The following FSHR variants were observed in gnomAD, a reference collection of about 807,000 sequenced individuals.
The protein encoded by FSHR is follicle-stimulating hormone receptor.
Under a neutral mutation model 52.1 loss-of-function variants are expected in FSHR, and 46 were observed. The observed-to-expected ratio is 0.88, with a 90% CI of 0.70 to 1.13. The LOEUF (loss-of-function observed/expected upper bound fraction) is 1.13, where lower values mean the gene tolerates loss of function less well. Among genes scored for constraint, FSHR ranks in the 50% most tolerant of loss-of-function variants. The pLI is 0.00. For synonymous variants in FSHR, 399 were observed against 309.6 expected (o/e 1.29, Z -3.03); for missense variants, 964 against 834.6 (o/e 1.16, Z -1.91).
At chr2:49,140,837 A>G (rs2103836243) in intron 1 of FSHR, among the ~76,000 whole-genome samples, 1 of 152,308 alleles carries the variant, frequency 6.6e-6, no homozygotes, top group South Asian at 2.1e-4. Context: ...ACTATCATCA[A>G]GGTTCATCTA....
At chr2:48,995,461 C>T (rs1304778508) in intron 4 of FSHR, among the ~76,000 whole-genome samples, 5 of 151,950 alleles carry the variant, frequency 3.3e-5, no homozygotes, top group African/African-American at 9.7e-5. Context: ...TGTGTATATC[C>T]GGACCACACG....
chr2:49,056,995 G>A (rs912717706), intron 2 of FSHR, among the ~76,000 whole-genome samples: 1 of 151,710 alleles, frequency 6.6e-6, no homozygotes, highest in African/African-American at 2.4e-5. Flanking sequence ...AAAACCTATG[G>A]GATGAGCAAA....
At chr2:49,058,593 A>C (rs2104319122) in intron 2 of FSHR, among the ~76,000 whole-genome samples, 2 of 152,234 alleles carry the variant, frequency 1.3e-5, no homozygotes, top group South Asian at 4.1e-4. Flanking sequence ...TGTTAAACAA[A>C]TTCAGTAAAG....
At chr2:49,110,699 T>C (rs1242767928) in intron 1 of FSHR, among the ~76,000 whole-genome samples, 2 of 152,120 alleles carry the variant, frequency 1.3e-5, no homozygotes, top group Non-Finnish European at 2.9e-5. Flanking sequence ...AATTTCCCAC[T>C]CTTGTCAGAC....
intron 2 of FSHR, among the ~76,000 whole-genome samples, chr2:49,040,732 A>G (rs908772902): frequency 6.6e-6 from 1 of 152,192 alleles, no homozygotes; most frequent in Admixed American, 6.5e-5. Flanking sequence ...TTGAAGATGA[A>G]TAATAGCAAA....
At chr2:48,970,675 C>T (rs1465544255) in intron 8 of FSHR, among the ~76,000 whole-genome samples, 1 of 152,156 alleles carries the variant, frequency 6.6e-6, no homozygotes, top group Non-Finnish European at 1.5e-5. Context: ...CATTCAGATC[C>T]TACTCCTGAG....
At chr2:49,038,816 G>C (rs1286035867) in intron 2 of FSHR, among the ~76,000 whole-genome samples, 1 of 151,762 alleles carries the variant, frequency 6.6e-6, no homozygotes, top group East Asian at 1.9e-4. Flanking sequence ...GATTAATTTT[G>C]AGACTTCATA....
At chr2:48,968,321 G>A (rs1363593244) in intron 9 of FSHR, among the ~76,000 whole-genome samples, 6 of 152,174 alleles carry the variant, frequency 3.9e-5, no homozygotes, top group Non-Finnish European at 5.9e-5. Flanking sequence ...AAGATGACAC[G>A]GATGGGGCAT....
intron 8 of FSHR, among the ~76,000 whole-genome samples, chr2:48,975,616 C>T (rs961915201): frequency 1.1e-4 from 17 of 152,270 alleles, no homozygotes; most frequent in African/African-American, 4.1e-4. Context: ...CCTCCATAGC[C>T]ATGTGAGCCA....
chr2:49,003,273 C>T (rs79974215), intron 4 of FSHR, among the ~76,000 whole-genome samples: 2 of 152,176 alleles, frequency 1.3e-5, no homozygotes, highest in African/African-American at 4.8e-5. Flanking sequence ...CCAACCACTC[C>T]GGCCCACATT....
chr2:48,973,308 C>A (rs537506546), intron 8 of FSHR, among the ~76,000 whole-genome samples: 1 of 149,966 alleles, frequency 6.7e-6, no homozygotes, highest in Admixed American at 6.6e-5. Flanking sequence ...ACACACACAC[C>A]CAATAAACAC....
At chr2:49,139,404 C>A (rs997106713) in intron 1 of FSHR, among the ~76,000 whole-genome samples, 1 of 151,996 alleles carries the variant, frequency 6.6e-6, no homozygotes, top group Non-Finnish European at 1.5e-5. Flanking sequence ...CTCTGAGAGC[C>A]TTTATTATGT....
intron 1 of FSHR, among the ~76,000 whole-genome samples, chr2:49,150,515 C>T (rs1326238650): frequency 6.6e-6 from 1 of 152,026 alleles, no homozygotes; most frequent in Admixed American, 6.6e-5. Context: ...AGTGTTTCAC[C>T]CACATTGTCT....
chr2:49,066,482 G>T (rs1015307496), intron 2 of FSHR, among the ~76,000 whole-genome samples: 1 of 152,082 alleles, frequency 6.6e-6, no homozygotes, highest in African/African-American at 2.4e-5. Context: ...CTCAGGTTCA[G>T]TTCAGTGCTG....
intron 2 of FSHR, among the ~76,000 whole-genome samples, chr2:49,063,734 G>A (rs1022744138): frequency 1.3e-4 from 20 of 151,954 alleles, no homozygotes; most frequent in Non-Finnish European, 2.2e-4. Flanking sequence ...CAAAATAGGA[G>A]GAATAAGTTC....
intron 4 of FSHR, among the ~76,000 whole-genome samples, chr2:48,998,768 T>TAAA (rs146774301): frequency 6.6e-6 from 1 of 150,768 alleles, no homozygotes; most frequent in Non-Finnish European, 1.5e-5. Context: ...AACTAAGGAT[T>TAAA]AAAAAAAAAG....
chr2:49,145,332 G>T (rs1672831693), intron 1 of FSHR, among the ~76,000 whole-genome samples: 1 of 151,964 alleles, frequency 6.6e-6, no homozygotes, highest in African/African-American at 2.4e-5. Context: ...TCATTAATTT[G>T]CTGATTGTTC....
intron 2 of FSHR, among the ~76,000 whole-genome samples, chr2:49,039,303 T>C (rs1250383050): frequency 2.0e-5 from 3 of 152,164 alleles, no homozygotes; most frequent in African/African-American, 7.2e-5. Flanking sequence ...AGCCTGTAAT[T>C]TGAAGATGTG....
chr2:48,986,961 TAA>T (rs774413514), intron 6 of FSHR, among the ~76,000 whole-genome samples: 1 of 152,216 alleles, frequency 6.6e-6, no homozygotes, highest in Non-Finnish European at 1.5e-5. Context: ...AAAAATTGAA[TAA>T]GTTTGCCATA....
Sources: allele counts gnomAD v4.1 joint callset (sites outside exome capture counted in the v4.1 genomes callset), GRCh38; gene constraint gnomAD v4.1.1; transcripts MANE v1.5; gene names NCBI Gene and HGNC (gene_info 2026-07-23, HGNC 2026-07-21).